ARSG: variants seen among roughly 807,000 people sequenced by gnomAD.
ARSG encodes the protein ASG.
ARSG carries 37 observed loss-of-function variants against 50.5 expected under a neutral mutation model. The ratio of observed to expected loss-of-function variants is 0.73; its 90% CI spans 0.56 to 0.96. ARSG has a LOEUF of 0.96. ARSG is among the 50% of genes least tolerant of loss of function. ARSG has a pLI of 0.00. For synonymous variants in ARSG, 225 were observed against 254.6 expected, an observed-to-expected ratio of 0.88 and a Z score of 1.11; for missense variants, 629 against 675.3, an observed-to-expected ratio of 0.93 and a Z score of 0.76.
chr17:68,350,407 A>T (rs2078702511), intron 4 of ARSG, among the ~76,000 whole-genome samples: 1 of 152,234 alleles, frequency 6.6e-6, no homozygotes, highest in African/African-American at 2.4e-5. Flanking sequence ...GAGCTGAAGC[A>T]GTTACCTGGG....
chr17:68,306,467 G>T (rs2076613859), intron 1 of ARSG, among the ~76,000 whole-genome samples: 1 of 152,230 alleles, frequency 6.6e-6, no homozygotes, highest in Admixed American at 6.5e-5. Context: ...TGAGGCAAGA[G>T]GATGACTTGA....
intron 5 of ARSG, among the ~76,000 whole-genome samples, chr17:68,355,566 G>C (rs977327533): frequency 6.6e-6 from 1 of 152,124 alleles, no homozygotes; most frequent in African/African-American, 2.4e-5. Context: ...TGTTGGCCAG[G>C]CTGGTCTTGA....
rs527374759 is a variant in ARSG at position 68,358,720 on chromosome 17, G to A, written c.704+1916G>A. On this transcript the variant is annotated intron_variant, in intron 6 of 11. Transcript: ENST00000621439. ...AAAAATTAATACAAGTTATTAAATA[G>A]CTGAGCATAGTTGTGTGAATCTGTA... Among the ~76,000 whole-genome samples the A allele has an allele frequency of 5.9e-5, 9 of 151,864 alleles. No individual in the cohort carries two copies. The South Asian group carries it at 1.9e-3, about 32-fold the overall frequency.
At chr17:68,390,038 A>T (rs1002781968) in intron 9 of ARSG, among the ~76,000 whole-genome samples, 5 of 151,762 alleles carry the variant, frequency 3.3e-5, no homozygotes, top group Non-Finnish European at 5.9e-5. Context: ...CCCAGGCTGG[A>T]GTGCAATGAT....
the ARSG span, among the ~76,000 whole-genome samples, chr17:68,440,061 G>A: frequency 6.6e-6 from 1 of 152,136 alleles, no homozygotes; most frequent in Non-Finnish European, 1.5e-5. Context: ...TATAGAACTG[G>A]TTGACACTAG....
At chr17:68,396,724 T>C (rs57197811) in intron 10 of ARSG, among the ~76,000 whole-genome samples, 13,698 of 152,222 alleles carry the variant, frequency 0.09, 1,505 homozygotes, top group African/African-American at 0.26. Context: ...AACATGGGTC[T>C]TCTATGGGCC....
chr17:68,264,563 G>A (rs1233734165), intron 1 of ARSG, among the ~76,000 whole-genome samples: 2 of 151,776 alleles, frequency 1.3e-5, no homozygotes, highest in South Asian at 2.1e-4. Context: ...TCAGCCTCCC[G>A]AGTAGCTGGA....
At chr17:68,276,435 C>T (rs1299075277) in intron 1 of ARSG, among the ~76,000 whole-genome samples, 1 of 151,966 alleles carries the variant, frequency 6.6e-6, no homozygotes, top group South Asian at 2.1e-4. Flanking sequence ...TAAGGTCAGC[C>T]TGGTTAACTT....
At chr17:68,450,379 G>A in the ARSG span, among the ~76,000 whole-genome samples, 354 of 152,298 alleles carry the variant, frequency 2.3e-3, 2 homozygotes, top group African/African-American at 7.9e-3. Context: ...AACCAGAAGA[G>A]TCGCTCCTCT....
downstream of ARSG, among the ~76,000 whole-genome samples, chr17:68,423,437 G>A (rs988927361): frequency 3.9e-5 from 6 of 152,188 alleles, no homozygotes; most frequent in African/African-American, 7.2e-5. This position sits in a 1 kb window ranked among gnomAD's most constrained non-coding sequence, Gnocchi z 4.4. Flanking sequence ...GCAGGCTGGA[G>A]GGCAGACTGA....
At chr17:68,423,031 C>T (rs149308152), downstream of ARSG, among the ~76,000 whole-genome samples, 68 of 152,212 alleles carry the variant, frequency 4.5e-4, 1 homozygote, top group East Asian at 0.012. The surrounding 1 kb of genome is among the most constrained non-coding windows in gnomAD (Gnocchi z 4.4). Context: ...AGTGATGACC[C>T]GCGTTCTTAA....
intron 1 of ARSG, among the ~76,000 whole-genome samples, chr17:68,265,223 G>A (rs1203944397): frequency 3.3e-5 from 5 of 151,880 alleles, no homozygotes; most frequent in Non-Finnish European, 5.9e-5. Context: ...GTCGGGCACG[G>A]TGACTCATGC....
chr17:68,355,748 T>C (rs1204247572), intron 5 of ARSG, among the ~76,000 whole-genome samples: 2 of 151,136 alleles, frequency 1.3e-5, no homozygotes, highest in Admixed American at 6.6e-5. Flanking sequence ...GGCCATGAGC[T>C]TGTTTTTTTT....
intron 1 of ARSG, among the ~76,000 whole-genome samples, chr17:68,298,649 A>G (rs1220302841): frequency 2.6e-5 from 4 of 151,884 alleles, no homozygotes; most frequent in African/African-American, 9.7e-5. Context: ...AACAACAGAA[A>G]TTTACAAAAA....
intron 2 of ARSG, among the ~76,000 whole-genome samples, chr17:68,327,063 G>A (rs1056202060): frequency 1.3e-5 from 2 of 152,194 alleles, no homozygotes; most frequent in Non-Finnish European, 2.9e-5. Context: ...TCCTCCTGGA[G>A]GGTAAGGAAA....
chr17:68,347,001 T>G (rs571970140), intron 3 of ARSG, 124 bp from the exon 4 acceptor site: 1 of 1,553,528 alleles, frequency 6.4e-7, no homozygotes, highest in African/African-American at 1.4e-5. Context: ...CATTGCAGCT[T>G]CTTTTGGCTT....
intron 1 of ARSG, among the ~76,000 whole-genome samples, chr17:68,277,235 G>T (rs1012965921): frequency 6.6e-6 from 1 of 150,698 alleles, no homozygotes; most frequent in Admixed American, 6.6e-5. Context: ...AGGTTCACAC[G>T]ATTCTCCTAC....
chr17:68,402,456 G>A (rs946850560), intron 11 of ARSG, among the ~76,000 whole-genome samples: 4 of 151,816 alleles, frequency 2.6e-5, no homozygotes, highest in Non-Finnish European at 5.9e-5. Flanking sequence ...TATTGGTCAG[G>A]CTGGTCTTGA....
At chr17:68,393,351 C>A (rs78388256) in intron 9 of ARSG, among the ~76,000 whole-genome samples, 4 of 152,228 alleles carry the variant, frequency 2.6e-5, no homozygotes, top group Admixed American at 2.0e-4. Context: ...GCCCTTTGTC[C>A]GGTGGATCCA....
Sources: allele counts gnomAD v4.1 joint callset (sites outside exome capture counted in the v4.1 genomes callset), GRCh38; gene constraint gnomAD v4.1.1; non-coding constraint Gnocchi (gnomAD v3.1); transcripts MANE v1.5; gene names NCBI Gene and HGNC (gene_info 2026-07-23, HGNC 2026-07-21).